TBXAS1: variants seen among roughly 807,000 people sequenced by gnomAD.
TBXAS1 encodes the protein thromboxane A synthase 1.
TBXAS1 carries 48 observed loss-of-function variants against 60.7 expected under a neutral mutation model. The observed-to-expected ratio is 0.79, with a 90% CI of 0.63 to 1.01. TBXAS1 has a LOEUF of 1.01. Ranked by LOEUF, TBXAS1 falls within the 50% of genes least tolerant of loss-of-function variation. TBXAS1 has a pLI of 0.00. For synonymous variants in TBXAS1, 287 were observed against 269.7 expected (o/e 1.06, Z -0.63); for missense variants, 685 against 686.3 (o/e 1.00, Z 0.02).
chr7:139,942,057 T>C lies in TBXAS1; in HGVS notation c.450+5750T>C, dbSNP rs185156593. The stretch of plus-strand genomic sequence containing the variant: ...TAACTTTCTGAGACTCTTGTAAGAT[T>C]GCATAAGTCAGCACAAAAGTGGCAG... On this transcript the variant is annotated intron_variant, in intron 5 of 12. Transcript: ENST00000448866. Among the ~76,000 whole-genome samples, 3 of 152,356 alleles carry C rather than the reference T, an allele frequency of 2.0e-5. No individual in the cohort carries two copies. In the East Asian group the frequency reaches 5.8e-4, roughly 29 times the overall value.
At chr7:139,932,845 C>T (rs868108076) in intron 4 of TBXAS1, among the ~76,000 whole-genome samples, 5 of 152,062 alleles carry the variant, frequency 3.3e-5, no homozygotes, top group Admixed American at 2.0e-4. Flanking sequence ...TCTCTTGAGG[C>T]TAGGAGTTCA....
chr7:139,914,199 T>TA (rs1805782999), intron 4 of TBXAS1, among the ~76,000 whole-genome samples: 5 of 150,926 alleles, frequency 3.3e-5, no homozygotes, highest in East Asian at 1.9e-4. Context: ...CTGGCTAATT[T>TA]TAAAAAAAAA....
intron 6 of TBXAS1, among the ~76,000 whole-genome samples, chr7:139,954,638 A>C: frequency 6.6e-6 from 1 of 152,232 alleles, no homozygotes; most frequent in East Asian, 1.9e-4. Context: ...GATATTAATA[A>C]CCCAGTTTTT....
At chr7:139,783,551 T>G (rs1797067770) in intron 3 of TBXAS1, among the ~76,000 whole-genome samples, 1 of 152,204 alleles carries the variant, frequency 6.6e-6, no homozygotes, top group African/African-American at 2.4e-5. Flanking sequence ...TTGGTTTTCC[T>G]GACCTGCAGT....
At position 139,962,135 on chromosome 7, in the gene TBXAS1, A is replaced by C; in HGVS notation, c.1036A>C (p.Ile346Leu). 6.2e-7 allele frequency: 1 copy of C among 1,614,184 alleles called. No homozygotes were observed. The highest frequency in any genetic ancestry group is 8.5e-7 in the Non-Finnish European group (1 of 1,180,036). The change falls in exon 9 of 13, where the codon ATC (isoleucine) becomes CTC (leucine). Residue 346 changes from isoleucine to leucine, a missense_variant. Ile to Leu is a conservative substitution (Grantham distance 5, BLOSUM62 2). Transcript: ENST00000448866. The stretch of plus-strand genomic sequence containing the variant: ...CTTCCTCATCGCTGGCTATGAAATC[A>C]TCACCAACACACTTTCTTTTGCCAC... ...FIFLIAGYEI[I>L]TNTLSFATYL...
intron 10 of TBXAS1, among the ~76,000 whole-genome samples, chr7:140,010,020 C>T (rs1405042990): frequency 5.7e-5 from 8 of 140,854 alleles, no homozygotes; most frequent in Non-Finnish European, 9.3e-5. Flanking sequence ...ACCCGCTCCA[C>T]ACCCGCCCCA....
chr7:139,948,946 G>T (rs1328397732), intron 5 of TBXAS1, among the ~76,000 whole-genome samples: 1 of 152,198 alleles, frequency 6.6e-6, no homozygotes, highest in African/African-American at 2.4e-5. Flanking sequence ...TATTTTCTCT[G>T]CATTGCTTTT....
intron 3 of TBXAS1, among the ~76,000 whole-genome samples, chr7:139,891,187 C>T (rs774446164): frequency 1.3e-5 from 2 of 151,808 alleles, no homozygotes; most frequent in African/African-American, 2.4e-5. Flanking sequence ...GGGACCTCTA[C>T]GGACCTGTGG....
intron 9 of TBXAS1, among the ~76,000 whole-genome samples, chr7:139,987,771 G>A (rs988480477): frequency 6.6e-6 from 1 of 152,116 alleles, no homozygotes; most frequent in Non-Finnish European, 1.5e-5. Flanking sequence ...GACGTTTTTT[G>A]TCTTAAATCT....
intron 3 of TBXAS1, chr7:139,906,075 T>C (rs556670699): frequency 2.4e-4 from 98 of 414,022 alleles, no homozygotes; most frequent in African/African-American, 1.8e-3. Flanking sequence ...AGCATCTTTT[T>C]TTTTTTTTCT....
intron 3 of TBXAS1, among the ~76,000 whole-genome samples, chr7:139,878,512 GAA>G (rs1013432320): frequency 6.7e-6 from 1 of 150,032 alleles, no homozygotes; most frequent in African/African-American, 2.4e-5. Flanking sequence ...TTCTCCTTTG[GAA>G]AAAAAAAGAT....
At chr7:139,961,834 G>T (rs1043606125) in intron 8 of TBXAS1, 85 bp from the exon 9 acceptor site, 2 of 1,529,892 alleles carry the variant, frequency 1.3e-6, no homozygotes, top group African/African-American at 2.7e-5. Context: ...CTATGCCCAT[G>T]TATCTTCCTC....
intron 5 of TBXAS1, among the ~76,000 whole-genome samples, chr7:139,937,926 G>T: frequency 1.3e-5 from 2 of 151,828 alleles, no homozygotes; most frequent in African/African-American, 4.8e-5. Flanking sequence ...GTGGAAAGCT[G>T]GGGGGTGGGG....
intron 8 of TBXAS1, 134 bp downstream of exon 8, chr7:139,957,898 C>A: frequency 7.7e-7 from 1 of 1,298,964 alleles, no homozygotes; most frequent in Non-Finnish European, 1.1e-6. Flanking sequence ...CCACTTACAG[C>A]TTCCAGGGAC....
chr7:140,018,784 T>TG (rs1207031088), intron 12 of TBXAS1, among the ~76,000 whole-genome samples: 1 of 152,228 alleles, frequency 6.6e-6, no homozygotes, highest in Non-Finnish European at 1.5e-5. Flanking sequence ...TATTCATTGT[T>TG]GGACTTTCCA....
chr7:139,872,178 C>T, intron 1 of TBXAS1, 57 bp from the exon 2 acceptor site: 1 of 1,497,070 alleles, frequency 6.7e-7, no homozygotes, highest in South Asian at 1.1e-5. Flanking sequence ...CCTAATAGAG[C>T]CTAAAGCATG....
At chr7:139,797,180 C>T (rs1797594651) in intron 4 of TBXAS1, 1 of 152,202 alleles carries the variant, frequency 6.6e-6, no homozygotes, top group African/African-American at 2.4e-5. Flanking sequence ...AGAGTTCTTT[C>T]TTCTTTGTCT....
chr7:139,968,421 A>G (rs935142186), intron 9 of TBXAS1, among the ~76,000 whole-genome samples: 1 of 152,068 alleles, frequency 6.6e-6, no homozygotes. Flanking sequence ...CAGCCTCCCA[A>G]GTAGCTGGAA....
intron 3 of TBXAS1, among the ~76,000 whole-genome samples, chr7:139,786,344 C>T (rs1797196878): frequency 1.3e-5 from 2 of 152,042 alleles, no homozygotes; most frequent in South Asian, 4.2e-4. Flanking sequence ...TAAATCTGTA[C>T]TGAATCCATG....
Sources: gnomAD v4.1 joint callset for allele counts (sites outside exome capture counted in the v4.1 genomes callset) on GRCh38, gnomAD v4.1.1 for gene constraint, MANE v1.5 for transcripts, NCBI Gene and HGNC (gene_info 2026-07-23, HGNC 2026-07-21) for gene names.